Variants in NUP188 observed in about 807,000 individuals in gnomAD.
The protein encoded by NUP188 is nucleoporin NUP188.
Under a neutral mutation model 223.0 loss-of-function variants are expected in NUP188, and 97 were observed. The observed-to-expected ratio is 0.43, with a 90% CI of 0.37 to 0.51. The LOEUF is 0.51. Ranked by LOEUF, NUP188 falls within the 20% of genes least tolerant of loss-of-function variation. NUP188 has a pLI of 0.00. For synonymous variants in NUP188, 869 were observed against 828.0 expected (o/e 1.05, Z -0.85); for missense variants, 1,947 against 2,175.6 (o/e 0.89, Z 2.09).
intron 8 of NUP188, among the ~76,000 whole-genome samples, chr9:128,959,847 A>G (rs556451632): frequency 6.6e-6 from 1 of 152,220 alleles, no homozygotes; most frequent in African/African-American, 2.4e-5. Flanking sequence ...CTAGGTTATC[A>G]TTCTTGAGAA....
intron 14 of NUP188, among the ~76,000 whole-genome samples, 159 bp from the exon 15 acceptor site, chr9:128,981,105 C>T (rs1842247519): frequency 6.6e-6 from 1 of 151,968 alleles, no homozygotes; most frequent in South Asian, 2.1e-4. Flanking sequence ...GTGTTAAAGC[C>T]CAGTGAAGAT....
intron 8 of NUP188, among the ~76,000 whole-genome samples, chr9:128,963,050 A>G (rs1841977502): frequency 6.6e-6 from 1 of 152,186 alleles, no homozygotes; most frequent in South Asian, 2.1e-4. Context: ...GTTATATCAT[A>G]TACTAGTACT....
In NUP188 at chr9:128,949,190, A is replaced by C. The variant is rs773544143; in HGVS notation, c.34A>C (p.Ser12Arg). The change falls in exon 2 of 44, where the codon AGC becomes CGC. Residue 12 changes from serine (S) to arginine (R), a missense_variant and splice_region_variant. By Grantham distance (110) the Ser-to-Arg change is moderately radical. Coordinates refer to ENST00000372577, the MANE Select transcript of NUP188 (RefSeq NM_015354.3). ...TACCTCTGTTCTCTCATTTTGCAGGAGCAGTAGAGAACTGTGGACTATTCT... is the reference window on the plus strand; with the variant it reads ...TACCTCTGTTCTCTCATTTTGCAGGCGCAGTAGAGAACTGTGGACTATTCT... ...AAAAGGPCVR[S>R]SRELWTILLG... The C allele has an allele frequency of 1.2e-6, 2 of 1,611,966 alleles. No individual in the cohort carries two copies. Among genetic ancestry groups the C allele is most frequent in the Non-Finnish European group, 8.5e-7 (1 of 1,178,422 alleles).
At chr9:128,995,255 C>T in intron 29 of NUP188, 64 bp from the exon 30 acceptor site, 1 of 1,351,702 alleles carries the variant, frequency 7.4e-7, no homozygotes, top group Non-Finnish European at 1.1e-6. Context: ...CAACAAGGGT[C>T]TGTACCCATT....
chr9:128,970,978 T>C lies in NUP188; in HGVS notation c.1113+20T>C. 6.3e-7 allele frequency: 1 copy of C among 1,592,992 alleles called. No homozygotes were observed. The highest frequency in any genetic ancestry group is 8.6e-7 in the Non-Finnish European group (1 of 1,160,698). Reference sequence around the variant, plus strand: ...AATGATGTGAGTTTAAGGCTCTGGGTGGTGAGCATGGGAGTGAGCCGGCAG... The same window carrying C: ...AATGATGTGAGTTTAAGGCTCTGGGCGGTGAGCATGGGAGTGAGCCGGCAG... On this transcript the variant is annotated intron_variant, in intron 11 of 43. Transcript: ENST00000372577.
intron 30 of NUP188, 54 bp downstream of exon 30, chr9:128,995,568 G>A: frequency 6.3e-6 from 9 of 1,436,786 alleles, no homozygotes; most frequent in Non-Finnish European, 8.5e-6. Flanking sequence ...ATGATGTGTT[G>A]ACATGAGCCT....
intron 24 of NUP188, among the ~76,000 whole-genome samples, chr9:128,989,467 G>A (rs962359130): frequency 2.0e-5 from 3 of 152,108 alleles, no homozygotes; most frequent in Admixed American, 6.5e-5. Flanking sequence ...TTGGGAGGCC[G>A]AGGTGGGCGG....
In NUP188 at chr9:128,994,884, T is replaced by A; in HGVS notation, c.3116T>A (p.Ile1039Asn). The change falls in exon 29 of 44, where the codon ATC (isoleucine) becomes AAC (asparagine). Residue 1039 changes from isoleucine (I) to asparagine (N), a missense_variant. Around this residue, in one of 3 missense-constraint regions of NUP188, gnomAD observed 905 missense variants for 990.6 expected, o/e 0.91. Transcript: ENST00000372577. ...AGCATCCTGGAAACCTGTGCCCTAA[T>A]CATGAAGATAATTTGCTTGGAGATA... ...EPSILETCAL[I>N]MKIICLEIYY... is the part of the protein sequence containing the mutation. 6.2e-7 allele frequency: 1 copy of A among 1,613,900 alleles called. No homozygotes were observed. The highest frequency in any genetic ancestry group is 8.5e-7 in the Non-Finnish European group (1 of 1,179,772).
At chr9:128,969,210 G>A (rs964076480) in intron 9 of NUP188, among the ~76,000 whole-genome samples, 190 bp from the exon 10 acceptor site, 2 of 152,152 alleles carry the variant, frequency 1.3e-5, no homozygotes, top group African/African-American at 4.8e-5. Context: ...TGTTGTCCAA[G>A]ATAGTCTTGA....
chr9:128,972,575 G>A (rs533477506), intron 11 of NUP188, among the ~76,000 whole-genome samples: 4 of 152,256 alleles, frequency 2.6e-5, no homozygotes, highest in African/African-American at 9.6e-5. Context: ...CAACACAAGA[G>A]TGACCCTTAG....
In NUP188 at chr9:128,983,115, A is replaced by T; in HGVS notation, c.1796+87A>T. The T allele has an allele frequency of 2.6e-6, 4 of 1,555,248 alleles. No homozygotes were observed. In the Middle Eastern group the frequency reaches 5.7e-4, roughly 221 times the overall value. On this transcript the variant is annotated intron_variant, in intron 17 of 43. Coordinates refer to ENST00000372577, the MANE Select transcript of NUP188 (RefSeq NM_015354.3). ...TTTGCAGGAACCTGGACACATACCC[A>T]CTGGGTTAAAGTTCGCGCATATTCC... is the stretch of plus-strand genomic sequence containing the variant.
Position 129,005,228 on chromosome 9 carries a change from G to A in NUP188, c.4509+7G>A, listed in dbSNP as rs372079905. The A allele has an allele frequency of 1.4e-3, 2,186 of 1,613,942 alleles. 44 individuals are homozygous for A. The South Asian group carries it at 0.023, about 17-fold the overall frequency. On this transcript the variant is annotated splice_region_variant and intron_variant, in intron 39 of 43. Coordinates refer to ENST00000372577, the MANE Select transcript of NUP188 (RefSeq NM_015354.3). ...GCTGCAGCATTACTTACAGGTAAGCGTCCTATGCCATGAGGTCCTGGAATA... is the reference window on the plus strand; with the variant it reads ...GCTGCAGCATTACTTACAGGTAAGCATCCTATGCCATGAGGTCCTGGAATA...
At chr9:129,002,417 G>A (rs1316014729) in intron 36 of NUP188, among the ~76,000 whole-genome samples, 1 of 152,152 alleles carries the variant, frequency 6.6e-6, no homozygotes, top group East Asian at 1.9e-4. Flanking sequence ...TGTGTCCCTT[G>A]GTTATTTCTA....
chr9:128,985,066 G>T, intron 20 of NUP188, 52 bp downstream of exon 20: 1 of 1,275,338 alleles, frequency 7.8e-7, no homozygotes, highest in East Asian at 2.3e-5. Flanking sequence ...GTCCAGTCTT[G>T]TCAGATGACT....
At chr9:128,949,689 C>T (rs1047816408) in intron 2 of NUP188, among the ~76,000 whole-genome samples, 1 of 151,764 alleles carries the variant, frequency 6.6e-6, no homozygotes, top group Non-Finnish European at 1.5e-5. Flanking sequence ...AGTGTAACAG[C>T]ATGATCCCAG....
At chr9:128,959,443 A>G (rs754111677) in intron 8 of NUP188, among the ~76,000 whole-genome samples, 9 of 151,864 alleles carry the variant, frequency 5.9e-5, no homozygotes, top group East Asian at 5.8e-4. Flanking sequence ...CACCTGGCCT[A>G]TAACTCTTAG....
At chr9:128,964,190 C>T in intron 8 of NUP188, 1 of 289,842 alleles carries the variant, frequency 3.5e-6, no homozygotes, top group Non-Finnish European at 6.8e-6. Context: ...TTACTTACAC[C>T]TTCTTCAGTC....
At position 128,947,799 on chromosome 9, in the gene NUP188, A is replaced by G. The variant is rs756819304; in HGVS notation, c.32+48A>G. On this transcript the variant is annotated intron_variant, in intron 1 of 43. Coordinates refer to ENST00000372577, the MANE Select transcript of NUP188 (RefSeq NM_015354.3). ...CGGGGTGGCTGTGAAGCGCGGTGTC[A>G]AAGCCGAGCGGAAGCGGGGCGGGAA... 1.1e-5 allele frequency: 15 copies of G among 1,350,744 alleles called. No individual in the cohort carries two copies. In the South Asian group the frequency reaches 2.6e-4, roughly 23 times the overall value. 83.7% of individuals were successfully genotyped at this position (1,350,744 alleles called of 1,614,324 possible). A position where few individuals can be genotyped will look rare whatever the true frequency, so the allele number is the denominator to read the frequency against.
At chr9:128,949,111 G>C in intron 1 of NUP188, 78 bp from the exon 2 acceptor site, 1 of 1,064,788 alleles carries the variant, frequency 9.4e-7, no homozygotes, top group Non-Finnish European at 1.4e-6. Flanking sequence ...TTAGAGAGCA[G>C]ACAAAATGGC....
Sources: gnomAD v4.1 joint callset for allele counts (sites outside exome capture counted in the v4.1 genomes callset) on GRCh38, gnomAD v4.1.1 for gene constraint, gnomAD v4.1.1 regional missense constraint, MANE v1.5 for transcripts, NCBI Gene and HGNC (gene_info 2026-07-23, HGNC 2026-07-21) for gene names.